The following ARHGAP15 variants were observed in gnomAD, a reference collection of about 807,000 sequenced individuals.
The protein encoded by ARHGAP15 is rho GTPase-activating protein 15.
In ARHGAP15, 51 loss-of-function variants were observed where a neutral mutation model predicts 63.7. That is an observed-to-expected ratio of 0.80 (90% CI 0.64 to 1.01). The LOEUF is 1.01. ARHGAP15 is among the 50% of genes least tolerant of loss of function. ARHGAP15 has a pLI of 0.00. For missense variants in ARHGAP15, 560 were observed against 564.6 expected (o/e 0.99, Z 0.08); for synonymous variants, 191 against 193.8 (o/e 0.99, Z 0.12).
rs199594739 is a variant in ARHGAP15, at chr2:143,299,156, TAATG to T, written c.474+48559_474+48562del. Among the ~76,000 whole-genome samples the T allele has an allele frequency of 5.5e-3, 837 of 152,038 alleles. 5 individuals are homozygous for T. Among genetic ancestry groups the T allele is most frequent in the Non-Finnish European group, 8.5e-3 (580 of 67,926 alleles). On this transcript the variant is annotated intron_variant, in intron 6 of 13. Coordinates refer to ENST00000295095, the MANE Select transcript of ARHGAP15 (RefSeq NM_018460.4). ...AAGTTCTAGTTCAAGGTCTAAAAAA[TAATG>T]AAGGATTAAACTTTTTTTATTCAAC... is the stretch of plus-strand genomic sequence containing the variant.
At chr2:143,724,825 A>T (rs1685211007) in intron 13 of ARHGAP15, among the ~76,000 whole-genome samples, 1 of 152,246 alleles carries the variant, frequency 6.6e-6, no homozygotes, top group Non-Finnish European at 1.5e-5. Flanking sequence ...ATTCACAACG[A>T]TCAGCATTAT....
At chr2:143,519,473 C>T in intron 10 of ARHGAP15, 109 bp downstream of exon 10, 1 of 821,190 alleles carries the variant, frequency 1.2e-6, no homozygotes, top group African/African-American at 1.7e-5. Context: ...GCAATTAAAA[C>T]TTGACTTGTG....
At chr2:143,732,020 C>T (rs1176036954) in intron 13 of ARHGAP15, among the ~76,000 whole-genome samples, 1 of 152,166 alleles carries the variant, frequency 6.6e-6, no homozygotes, top group African/African-American at 2.4e-5. Flanking sequence ...CCTTCCTTCT[C>T]AGAGTTACTT....
At chr2:143,148,034 T>C (rs1259155822) in intron 1 of ARHGAP15, among the ~76,000 whole-genome samples, 1 of 152,022 alleles carries the variant, frequency 6.6e-6, no homozygotes, top group Admixed American at 6.6e-5. Flanking sequence ...ATCCCAATTC[T>C]TTAATAAAAA....
chr2:143,228,199 A>C (rs1212902097), intron 4 of ARHGAP15: 2 of 154,110 alleles, frequency 1.3e-5, no homozygotes, highest in African/African-American at 4.8e-5. Flanking sequence ...AATGAAGAGA[A>C]GAAACAATGA....
At chr2:143,249,241 G>T (rs182925274) in intron 5 of ARHGAP15, among the ~76,000 whole-genome samples, 1 of 151,818 alleles carries the variant, frequency 6.6e-6, no homozygotes, top group Non-Finnish European at 1.5e-5. Context: ...CTGCCGGCTG[G>T]GTTTATCCTG....
chr2:143,210,198 G>A (rs759007865), intron 3 of ARHGAP15, among the ~76,000 whole-genome samples: 1 of 152,106 alleles, frequency 6.6e-6, no homozygotes, highest in Non-Finnish European at 1.5e-5. Context: ...AATGGTGGGT[G>A]GAAGTTGGGT....
At chr2:143,683,842 A>C (rs930819441) in intron 12 of ARHGAP15, among the ~76,000 whole-genome samples, 1 of 152,204 alleles carries the variant, frequency 6.6e-6, no homozygotes, top group Admixed American at 6.5e-5. Context: ...AACTAAAAGC[A>C]AAAGGATACA....
intron 6 of ARHGAP15, among the ~76,000 whole-genome samples, chr2:143,328,585 G>C (rs534352244): frequency 2.0e-5 from 3 of 152,078 alleles, no homozygotes; most frequent in Non-Finnish European, 4.4e-5. Context: ...AGCCTGTCAG[G>C]GGGTAGGGGA....
intron 12 of ARHGAP15, among the ~76,000 whole-genome samples, chr2:143,634,647 T>C (rs1256608223): frequency 1.3e-5 from 2 of 152,164 alleles, no homozygotes; most frequent in Non-Finnish European, 2.9e-5. Context: ...TTTCAAATTA[T>C]TGTCTTAAAG....
chr2:143,554,099 A>G (rs1695686870), intron 10 of ARHGAP15, among the ~76,000 whole-genome samples: 1 of 152,218 alleles, frequency 6.6e-6, no homozygotes, highest in Admixed American at 6.5e-5. Flanking sequence ...TGTAATAGAT[A>G]TTCACATTTT....
rs1056491590 is a variant in ARHGAP15, at chr2:143,492,951, G to A, written c.826+5456G>A. 4.6e-5 allele frequency among the ~76,000 whole-genome samples: 7 copies of A among 151,786 alleles called. 1 individual carries two copies. The highest frequency in any genetic ancestry group is 3.9e-4 in the East Asian group (2 of 5,150). On this transcript the variant is annotated intron_variant, in intron 9 of 13. Transcript: ENST00000295095. Reference sequence around the variant, plus strand: ...CGGGCACCTGTAGTCCCAGCTACTCGGGAGGCTGAAGCACGAGAATGGCGT... The same window carrying A: ...CGGGCACCTGTAGTCCCAGCTACTCAGGAGGCTGAAGCACGAGAATGGCGT...
intron 6 of ARHGAP15, chr2:143,435,194 T>C: frequency 4.5e-6 from 4 of 879,470 alleles, no homozygotes; most frequent in Non-Finnish European, 4.1e-6. Flanking sequence ...AATATAGAGA[T>C]ACTATTAGAT....
At chr2:143,212,445 C>T (rs1456378251) in intron 3 of ARHGAP15, among the ~76,000 whole-genome samples, 1 of 152,158 alleles carries the variant, frequency 6.6e-6, no homozygotes, top group Admixed American at 6.5e-5. Flanking sequence ...GGACAAATAG[C>T]TCAAGAAGCC....
chr2:143,216,803 A>C (rs1322400598), intron 4 of ARHGAP15, among the ~76,000 whole-genome samples: 3 of 152,228 alleles, frequency 2.0e-5, no homozygotes, highest in Non-Finnish European at 4.4e-5. Context: ...ACCTTGTGAG[A>C]ATAATTTCTT....
chr2:143,173,745 A>G (rs1690895264), intron 2 of ARHGAP15, among the ~76,000 whole-genome samples: 1 of 152,154 alleles, frequency 6.6e-6, no homozygotes, highest in Non-Finnish European at 1.5e-5. Flanking sequence ...GGCATATTAT[A>G]TCTTTGGTAG....
chr2:143,765,794 C>T (rs1211340355), intron 13 of ARHGAP15, among the ~76,000 whole-genome samples: 1 of 152,044 alleles, frequency 6.6e-6, no homozygotes, highest in African/African-American at 2.4e-5. Flanking sequence ...TGGACCCAGA[C>T]TGCCTGGGCA....
At chr2:143,258,278 T>C (rs146244858) in intron 6 of ARHGAP15, among the ~76,000 whole-genome samples, 5 of 152,066 alleles carry the variant, frequency 3.3e-5, no homozygotes, top group Admixed American at 3.3e-4. Context: ...TATTCAGTGT[T>C]TATATGCCAC....
chr2:143,165,077 T>A (rs76942456), intron 2 of ARHGAP15, among the ~76,000 whole-genome samples: 1 of 152,074 alleles, frequency 6.6e-6, no homozygotes. Flanking sequence ...TTCTTTTTTA[T>A]GTATCCCTTA....
Sources: allele counts gnomAD v4.1 joint callset (sites outside exome capture counted in the v4.1 genomes callset), GRCh38; gene constraint gnomAD v4.1.1; transcripts MANE v1.5; gene names NCBI Gene and HGNC (gene_info 2026-07-23, HGNC 2026-07-21).